Variants in PROC observed in about 807,000 individuals in gnomAD.
The protein encoded by PROC is vitamin K-dependent protein C.
In PROC, 22 loss-of-function variants were observed where a neutral mutation model predicts 36.3. That is an observed-to-expected ratio of 0.61 (90% CI 0.43 to 0.86). The LOEUF (loss-of-function observed/expected upper bound fraction) is 0.86. Ranked by LOEUF, PROC falls within the 40% of genes least tolerant of loss-of-function variation. PROC has a pLI of 0.00. For missense variants in PROC, 526 were observed against 629.7 expected (o/e 0.84, Z 1.76); for synonymous variants, 218 against 244.5 (o/e 0.89, Z 1.01).
chr2:127,423,260 T>C lies in PROC; in HGVS notation c.401-14T>C, dbSNP rs1183750363. On this transcript the variant is annotated splice_polypyrimidine_tract_variant and intron_variant, in intron 5 of 8. Coordinates refer to ENST00000234071, the MANE Select transcript of PROC (RefSeq NM_000312.4). Reference sequence around the variant, plus strand: ...GCACCAGCACCAGCTGCCCGCGCCCTCCCCTGCCCGCAGAGGTGAGCTTCC... The same window carrying C: ...GCACCAGCACCAGCTGCCCGCGCCCCCCCCTGCCCGCAGAGGTGAGCTTCC... The C allele has an allele frequency of 1.9e-6, 3 of 1,542,448 alleles. No homozygotes were observed. The highest frequency in any genetic ancestry group is 2.5e-5 in the East Asian group (1 of 40,370).
In PROC at chr2:127,428,395, G is replaced by A. The variant is rs1433588212; in HGVS notation, c.835G>A (p.Asp279Asn). The A allele has an allele frequency of 5.6e-6, 9 of 1,613,996 alleles. No individual in the cohort carries two copies. The South Asian group carries it at 8.8e-5, about 16-fold the overall frequency. Residue 279 changes from aspartate (D) to asparagine (N), a missense_variant, in exon 9 of 9, where the codon GAC (aspartate) becomes AAC (asparagine). By Grantham distance (23) the Asp-to-Asn change is conservative. Coordinates refer to ENST00000234071, the MANE Select transcript of PROC (RefSeq NM_000312.4). ...GCGGCGCTGGGAGAAGTGGGAGCTG[G>A]ACCTGGACATCAAGGAGGTCTTCGT... is the stretch of plus-strand genomic sequence containing the variant. ...DLRRWEKWEL[D>N]LDIKEVFVHP...
At position 127,427,179 on chromosome 2, in the gene PROC, G is replaced by A. The variant is rs764497897; in HGVS notation, c.753G>A (p.Ala251=). Residue 251 remains alanine (A), a synonymous_variant, in exon 8 of 9, where the codon GCG becomes GCA. Transcript: ENST00000234071. ...VLIHPSWVLT[A]AHCMDESKKL... Reference sequence around the variant, plus strand: ...TCCACCCCTCCTGGGTGCTGACAGCGGCCCACTGCATGGATGAGTCCAAGA... The same window carrying A: ...TCCACCCCTCCTGGGTGCTGACAGCAGCCCACTGCATGGATGAGTCCAAGA... 39 of 1,613,514 alleles carry A rather than the reference G, an allele frequency of 2.4e-5. No homozygotes were observed. Among genetic ancestry groups the A allele is most frequent in the Middle Eastern group, 1.6e-4 (1 of 6,070 alleles).
intron 3 of PROC, 60 bp from the exon 4 acceptor site, chr2:127,422,857 C>A (rs1688190691): frequency 6.5e-7 from 1 of 1,543,194 alleles, no homozygotes; most frequent in Non-Finnish European, 8.7e-7. Flanking sequence ...CTGCCCCACC[C>A]GGGCGCGCCC....
chr2:127,428,711 A>G lies in PROC; in HGVS notation c.1151A>G (p.Asn384Ser). ...SEVMSNMVSE[N>S]MLCAGILGDR... is the part of the protein sequence containing the mutation. ...GTCATGAGCAACATGGTGTCTGAGA[A>G]CATGCTGTGTGCGGGCATCCTCGGG... Residue 384 changes from asparagine to serine, a missense_variant, in exon 9 of 9, where the codon AAC becomes AGC. By Grantham distance (46) the Asn-to-Ser change is conservative (BLOSUM62 1). Transcript: ENST00000234071. 1 of 1,613,754 alleles carries G rather than the reference A, an allele frequency of 6.2e-7. No individual in the cohort carries two copies. The highest frequency in any genetic ancestry group is 8.5e-7 in the Non-Finnish European group (1 of 1,180,036).
At position 127,426,129 on chromosome 2, in the gene PROC, C is replaced by T. The variant is rs371071104; in HGVS notation, c.580C>T (p.Arg194Cys). The T allele has an allele frequency of 4.7e-5, 76 of 1,614,066 alleles. No individual in the cohort carries two copies. Among genetic ancestry groups the T allele is most frequent in the East Asian group, 6.7e-5 (3 of 44,878 alleles). ...GCCCTGGAAGCGGATGGAGAAGAAG[C>T]GCAGTCACCTGAAACGAGACACAGA... is the stretch of plus-strand genomic sequence containing the variant. ...GRPWKRMEKK[R>C]SHLKRDTEDQ... The change falls in exon 7 of 9, where the codon CGC becomes TGC. Residue 194 changes from arginine (R) to cysteine (C), a missense_variant. By Grantham distance (180) the Arg-to-Cys change is radical. Transcript: ENST00000234071. This position sits in a 1 kb window ranked among gnomAD's most constrained non-coding sequence, Gnocchi z 7.0.
chr2:127,419,849 C>T (rs528817178), intron 1 of PROC, 73 bp from the exon 2 acceptor site: 178 of 1,609,776 alleles, frequency 1.1e-4, no homozygotes, highest in Non-Finnish European at 1.3e-4. Context: ...CCTTTCATTC[C>T]GCTTCCACCT....
intron 3 of PROC, among the ~76,000 whole-genome samples, chr2:127,421,761 C>G (rs1017081290): frequency 6.6e-5 from 10 of 152,234 alleles, no homozygotes; most frequent in African/African-American, 2.4e-4. Context: ...TCCCACCTCA[C>G]AAAGAGGGGA....
intron 1 of PROC, chr2:127,419,550 T>G (rs1225294357): frequency 1.1e-5 from 4 of 349,102 alleles, no homozygotes; most frequent in Admixed American, 4.0e-5. Context: ...TGGCCTGCCC[T>G]GTGAATCCTG....
At position 127,421,099 on chromosome 2, in the gene PROC, C is replaced by A. The variant is rs867145595; in HGVS notation, c.71-184C>A. On this transcript the variant is annotated intron_variant, in intron 2 of 8. Coordinates refer to ENST00000234071, the MANE Select transcript of PROC (RefSeq NM_000312.4). ...TTCGTCCTCCAACTGCCATCTGCTT[C>A]CTGGGGAGGAAAAGAGCAGAGGACC... 1.6e-4 allele frequency among the ~76,000 whole-genome samples: 25 copies of A among 152,278 alleles called. No homozygotes were observed. The Middle Eastern group carries it at 0.017, about 104-fold the overall frequency.
chr2:127,425,399 A>T (rs1229703730), intron 6 of PROC, among the ~76,000 whole-genome samples: 1 of 152,196 alleles, frequency 6.6e-6, no homozygotes, highest in South Asian at 2.1e-4. Flanking sequence ...TTCAAGGCCC[A>T]TTTTGAGCAG....
chr2:127,424,338 T>A (rs912814152), intron 6 of PROC, among the ~76,000 whole-genome samples: 1 of 152,210 alleles, frequency 6.6e-6, no homozygotes, highest in Non-Finnish European at 1.5e-5. Flanking sequence ...TAGCTGGGAT[T>A]ACAGGCATGC....
Position 127,428,343 on chromosome 2 carries a change from C to T in PROC, c.797-14C>T, listed in dbSNP as rs1688659700. On this transcript the variant is annotated splice_polypyrimidine_tract_variant and intron_variant, in intron 8 of 8. Transcript: ENST00000234071. ...TCCCCGCAGCCCACTCTGACTGTGC[C>T]CTCTGCCCTGCAGGAGAGTATGACC... is the stretch of plus-strand genomic sequence containing the variant. 2.5e-6 allele frequency: 4 copies of T among 1,612,912 alleles called. No homozygotes were observed. Among genetic ancestry groups the T allele is most frequent in the Non-Finnish European group, 3.4e-6 (4 of 1,179,608 alleles).
At chr2:127,419,332 C>A (rs1198909376) in intron 1 of PROC, among the ~76,000 whole-genome samples, 1 of 152,188 alleles carries the variant, frequency 6.6e-6, no homozygotes, top group East Asian at 1.9e-4. Context: ...GTTTACTGAG[C>A]ATGAGCTATG....
Position 127,428,834 on chromosome 2 carries a change from GCTGTGGGCT to G in PROC, c.1276_1284del (p.Cys426_Leu428del). The G allele has an allele frequency of 6.2e-7, 1 of 1,612,832 alleles. No homozygotes were observed. Among genetic ancestry groups the G allele is most frequent in the Non-Finnish European group, 8.5e-7 (1 of 1,179,346 alleles). ...GTGGGCCTGGTGAGCTGGGGTGAGG[GCTGTGGGCT>G]CCTTCACAACTACGGCGTTTACACC... On this transcript the variant is annotated inframe_deletion, in exon 9 of 9. Transcript: ENST00000234071.
Position 127,423,416 on chromosome 2 carries a change from G to GC in PROC, c.535+13dup, listed in dbSNP as rs1688257183. The stretch of plus-strand genomic sequence containing the variant: ...TGCAGTGTCACCCCGCAGGTGAGAA[G>GC]CCCCCAATACATCGCCCAGGAATCA... On this transcript the variant is annotated intron_variant, in intron 6 of 8. Coordinates refer to ENST00000234071, the MANE Select transcript of PROC (RefSeq NM_000312.4). 1.3e-6 allele frequency: 2 copies of GC among 1,548,618 alleles called. No individual in the cohort carries two copies. Among genetic ancestry groups the GC allele is most frequent in the Non-Finnish European group, 1.7e-6 (2 of 1,146,382 alleles).
chr2:127,427,270 G>C (rs376874216), intron 8 of PROC, 48 bp downstream of exon 8: 20 of 1,536,306 alleles, frequency 1.3e-5, no homozygotes, highest in Non-Finnish European at 1.8e-5. Context: ...GCCTGGGTAG[G>C]GGGACCAGGC....
intron 1 of PROC, among the ~76,000 whole-genome samples, chr2:127,419,011 T>C (rs1364861486): frequency 6.6e-6 from 1 of 151,926 alleles, no homozygotes; most frequent in African/African-American, 2.4e-5. Flanking sequence ...TGGCCTTGAG[T>C]CCTGGCTCTG....
At chr2:127,424,853 G>T (rs1051040267) in intron 6 of PROC, among the ~76,000 whole-genome samples, 3 of 152,172 alleles carry the variant, frequency 2.0e-5, no homozygotes, top group African/African-American at 7.2e-5. Context: ...TTCCTTTTAG[G>T]CTGCTTTCTA....
In PROC at chr2:127,426,216, A is replaced by G; in HGVS notation, c.667A>G (p.Ser223Gly). The change falls in exon 7 of 9, where the codon AGC (serine) becomes GGC (glycine). Residue 223 changes from serine (S) to glycine (G), a missense_variant. Coordinates refer to ENST00000234071, the MANE Select transcript of PROC (RefSeq NM_000312.4). The surrounding 1 kb of genome is among the most constrained non-coding windows in gnomAD (Gnocchi z 7.0). ...IDGKMTRRGD[S>G]PWQVVLLDSK... ...TGGGAAGATGACCAGGCGGGGAGACAGCCCCTGGCAGGTGGGAGGCGAGGC... is the reference window on the plus strand; with the variant it reads ...TGGGAAGATGACCAGGCGGGGAGACGGCCCCTGGCAGGTGGGAGGCGAGGC... 6.2e-7 allele frequency: 1 copy of G among 1,614,020 alleles called. No individual in the cohort carries two copies.
Sources: allele counts gnomAD v4.1 joint callset (sites outside exome capture counted in the v4.1 genomes callset), GRCh38; gene constraint gnomAD v4.1.1; non-coding constraint Gnocchi (gnomAD v3.1); transcripts MANE v1.5; gene names NCBI Gene and HGNC (gene_info 2026-07-23, HGNC 2026-07-21).